MAGEA11: variants seen among roughly 807,000 people sequenced by gnomAD.
MAGEA11 encodes melanoma-associated antigen 11.
Under a neutral mutation model 8.4 loss-of-function variants are expected in MAGEA11, and 1 was observed. The ratio of observed to expected loss-of-function variants is 0.12; its 90% CI spans 0.04 to 0.57. The LOEUF is 0.57. Among genes scored for constraint, MAGEA11 ranks in the 20% least tolerant of loss-of-function variants. MAGEA11 has a pLI of 0.91. For missense variants in MAGEA11, 209 were observed against 317.3 expected, an observed-to-expected ratio of 0.66 and a Z score of 2.59; for synonymous variants, 127 against 119.3, an observed-to-expected ratio of 1.06 and a Z score of -0.42.
intron 1 of MAGEA11, among the ~76,000 whole-genome samples, chrX:149,695,120 T>A (rs1406617509): frequency 8.9e-6 from 1 of 112,135 alleles, no homozygotes; most frequent in Non-Finnish European, 1.9e-5. Flanking sequence ...TCTCTGTCAT[T>A]TCTTTTCTGA....
chrX:149,694,327 C>T (rs1557360381), intron 1 of MAGEA11, among the ~76,000 whole-genome samples: 1 of 112,196 alleles, frequency 8.9e-6, no homozygotes, highest in East Asian at 2.8e-4. Context: ...ATGTTGAGCA[C>T]CTTTTCATGT....
At chrX:149,698,334 C>T (rs1434643307) in intron 1 of MAGEA11, among the ~76,000 whole-genome samples, 1 of 107,842 alleles carries the variant, frequency 9.3e-6, no homozygotes, top group African/African-American at 3.4e-5. Flanking sequence ...TTTTTTAATT[C>T]GACTTGTCTA....
intron 2 of MAGEA11, chrX:149,713,881 A>T (rs1225811145): frequency 8.9e-6 from 1 of 112,534 alleles, no homozygotes; most frequent in African/African-American, 3.2e-5. Context: ...ATGCCAAAGA[A>T]AAAGGGACCT....
intron 1 of MAGEA11, among the ~76,000 whole-genome samples, chrX:149,705,170 G>A (rs1395321905): frequency 8.9e-6 from 1 of 112,529 alleles, no homozygotes; most frequent in African/African-American, 3.2e-5. Flanking sequence ...GGAAGAGCTG[G>A]TGATATGGTT....
At chrX:149,704,136 C>T (rs1462042391) in intron 1 of MAGEA11, among the ~76,000 whole-genome samples, 1 of 111,993 alleles carries the variant, frequency 8.9e-6, no homozygotes, top group Non-Finnish European at 1.9e-5. Context: ...AGTGGTGGTG[C>T]CAGTGAAAGC....
chrX:149,712,498 G>A (rs1156832316), intron 1 of MAGEA11, among the ~76,000 whole-genome samples: 2 of 111,943 alleles, frequency 1.8e-5, no homozygotes, highest in Non-Finnish European at 3.8e-5. Flanking sequence ...GTACTGCGGA[G>A]TTGCACATTA....
chrX:149,714,208 G>T (rs1378637141), intron 2 of MAGEA11: 5 of 329,406 alleles, frequency 1.5e-5, no homozygotes, highest in East Asian at 1.0e-4. Context: ...CATCACGGGT[G>T]GCCCCAAGTG....
intron 1 of MAGEA11, 76 bp downstream of exon 1, chrX:149,712,238 G>A (rs1460838469): frequency 3.4e-6 from 2 of 589,434 alleles, no homozygotes; most frequent in African/African-American, 5.1e-5. Context: ...CAACCCTGGA[G>A]CCAGCCCTGA....
At chrX:149,692,339 A>C (rs1209912327) in intron 1 of MAGEA11, among the ~76,000 whole-genome samples, 1 of 110,775 alleles carries the variant, frequency 9.0e-6, no homozygotes, top group Non-Finnish European at 1.9e-5. Flanking sequence ...CCTGAGAGGC[A>C]TAGGTTGCAG....
Position 149,715,977 on chromosome X carries a change from C to T in MAGEA11, c.491C>T (p.Pro164Leu), listed in dbSNP as rs1557362443. The change falls in exon 5 of 5, where the codon CCT becomes CTT. Residue 164 changes from proline (P) to leucine (L), a missense_variant. By Grantham distance (98) the Pro-to-Leu change is moderately conservative. Coordinates refer to ENST00000355220, the MANE Select transcript of MAGEA11 (RefSeq NM_005366.5). The part of the protein sequence containing the change: ...TLNVGTLEEL[P>L]AAESPSPPQS... ...AATGTGGGCACTCTAGAGGAGTTGC[C>T]TGCTGCTGAGTCACCAAGTCCTCCC... is the stretch of plus-strand genomic sequence containing the variant. The T allele has an allele frequency of 8.3e-7, 1 of 1,211,480 alleles. No individual in the cohort carries two copies. The highest frequency in any genetic ancestry group is 1.7e-5 in the African/African-American group (1 of 57,730).
chrX:149,703,425 G>C (rs2090362425), intron 1 of MAGEA11, among the ~76,000 whole-genome samples: 1 of 112,180 alleles, frequency 8.9e-6, no homozygotes, highest in African/African-American at 3.2e-5. Context: ...TGGGCAGCCA[G>C]GGTCAGGCAC....
chrX:149,700,482 T>A (rs137918574), intron 1 of MAGEA11, among the ~76,000 whole-genome samples: 4 of 112,247 alleles, frequency 3.6e-5, no homozygotes, highest in Non-Finnish European at 7.5e-5. Context: ...TAGGAGTATG[T>A]AGTTTAATTT....
chrX:149,698,981 G>A (rs1279695008), intron 1 of MAGEA11, among the ~76,000 whole-genome samples: 3 of 111,758 alleles, frequency 2.7e-5, no homozygotes, highest in African/African-American at 9.8e-5. Context: ...TGGTGTACAT[G>A]TACCACATTT....
Position 149,715,992 on chromosome X carries a change from C to G in MAGEA11, c.506C>G (p.Pro169Arg). 1 of 1,209,583 alleles carries G rather than the reference C, an allele frequency of 8.3e-7. No individual in the cohort carries two copies. Among genetic ancestry groups the G allele is most frequent in the East Asian group, 3.0e-5 (1 of 33,731 alleles). ...TLEELPAAES[P>R]SPPQSPQEES... ...GAGGAGTTGCCTGCTGCTGAGTCAC[C>G]AAGTCCTCCCCAGAGTCCTCAGGAA... Residue 169 changes from proline (P) to arginine (R), a missense_variant, in exon 5 of 5, where the codon CCA becomes CGA. By Grantham distance (103) the Pro-to-Arg change is moderately radical. Transcript: ENST00000355220.
intron 2 of MAGEA11, 38 bp downstream of exon 2, chrX:149,713,293 G>T (rs1970766): frequency 1.0e-6 from 1 of 963,955 alleles, no homozygotes; most frequent in Admixed American, 2.5e-5. Context: ...TCCAAGGCAC[G>T]GTGGCCACAT....
In MAGEA11 at chrX:149,688,909, G is replaced by C. The variant is rs2090299053; in HGVS notation, c.-67G>C. 27 of 988,510 alleles carry C rather than the reference G, an allele frequency of 2.7e-5. No individual in the cohort carries two copies. The South Asian group carries it at 4.7e-4, about 17-fold the overall frequency. 81.5% of individuals were successfully genotyped at this position (988,510 alleles called of 1,213,427 possible). Reference sequence around the variant, plus strand: ...CTGTGTACACTGGACCCCTTTCATAGAGGTGGGTGCTATGCAAGTGGAGCT... The same window carrying C: ...CTGTGTACACTGGACCCCTTTCATACAGGTGGGTGCTATGCAAGTGGAGCT... On this transcript the variant is annotated 5_prime_UTR_variant, in exon 1 of 4. Coordinates refer to the MAGEA11 transcript ENST00000333104.
intron 1 of MAGEA11, among the ~76,000 whole-genome samples, chrX:149,690,039 C>T (rs2090303862): frequency 8.9e-6 from 1 of 112,269 alleles, no homozygotes; most frequent in Non-Finnish European, 1.9e-5. Context: ...TCAGCCTCTC[C>T]TCCGGGAAAG....
At chrX:149,690,407 A>T (rs1376924519) in intron 1 of MAGEA11, among the ~76,000 whole-genome samples, 2 of 112,537 alleles carry the variant, frequency 1.8e-5, no homozygotes, top group Non-Finnish European at 3.8e-5. Context: ...AGTGTTTTTT[A>T]AAAATGTCTT....
chrX:149,691,267 G>T (rs948282532), intron 1 of MAGEA11, among the ~76,000 whole-genome samples: 1 of 110,010 alleles, frequency 9.1e-6, no homozygotes, highest in Non-Finnish European at 1.9e-5. Context: ...TTTCCCCTCT[G>T]CTTTGTGGTT....
Sources: gnomAD v4.1 joint callset for allele counts (sites outside exome capture counted in the v4.1 genomes callset) on GRCh38, gnomAD v4.1.1 for gene constraint, MANE v1.5 for transcripts, NCBI Gene and HGNC (gene_info 2026-07-23, HGNC 2026-07-21) for gene names.